OGFRL1: variants seen among roughly 807,000 people sequenced by gnomAD.
The protein encoded by OGFRL1 is opioid growth factor receptor-like protein 1.
OGFRL1 carries 26 observed loss-of-function variants against 32.4 expected under a neutral mutation model. That is an observed-to-expected ratio of 0.80 (90% confidence interval 0.59 to 1.11). The LOEUF (loss-of-function observed/expected upper bound fraction) is 1.11. OGFRL1 is among the 50% of genes most tolerant of loss of function. The pLI is 0.00. For missense variants in OGFRL1, 521 were observed against 546.4 expected, an observed-to-expected ratio of 0.95 and a Z score of 0.46; for synonymous variants, 211 against 201.2, an observed-to-expected ratio of 1.05 and a Z score of -0.41.
At chr6:71,297,135 T>C (rs1337944587) in intron 6 of OGFRL1, among the ~76,000 whole-genome samples, 1 of 152,220 alleles carries the variant, frequency 6.6e-6, no homozygotes, top group Non-Finnish European at 1.5e-5. Flanking sequence ...TTTATTGTTA[T>C]TGCTTGTGTA....
Position 71,296,388 on chromosome 6 carries a change from A to T in OGFRL1, c.472A>T (p.Ile158Phe). 1.2e-6 allele frequency: 2 copies of T among 1,611,312 alleles called. No homozygotes were observed. The highest frequency in any genetic ancestry group is 1.7e-6 in the Non-Finnish European group (2 of 1,177,904). Residue 158 changes from isoleucine (I) to phenylalanine (F), a missense_variant, in exon 4 of 7, where the codon ATT becomes TTT. Ile to Phe is a conservative substitution (Grantham distance 21). Transcript: ENST00000370435. ...AAAACTGGAGCACAACCACACTTACATTCAATGGTCAGTTACATATTATCT... is the reference window on the plus strand; with the variant it reads ...AAAACTGGAGCACAACCACACTTACTTTCAATGGTCAGTTACATATTATCT... Reference protein sequence around the residue: ...YEKLEHNHTYIQWLFPLREQG... With the variant: ...YEKLEHNHTYFQWLFPLREQG...
At chr6:71,289,253 C>T (rs1765962053) in intron 1 of OGFRL1, 83 bp downstream of exon 1, 1 of 1,021,100 alleles carries the variant, frequency 9.8e-7, no homozygotes, top group Non-Finnish European at 1.2e-6. Flanking sequence ...CCCTCGCGCT[C>T]GGAGGCCAGG....
intron 3 of OGFRL1, chr6:71,295,922 C>T (rs1297244908): frequency 6.4e-6 from 1 of 156,410 alleles, no homozygotes; most frequent in Non-Finnish European, 1.4e-5. Context: ...ATATTTTGGG[C>T]TTTGGGGGAC....
chr6:71,288,892 T>G lies in OGFRL1; in HGVS notation c.-45T>G. 1.6e-6 allele frequency: 2 copies of G among 1,225,028 alleles called. No individual in the cohort carries two copies. Among genetic ancestry groups the G allele is most frequent in the Non-Finnish European group, 2.1e-6 (2 of 966,782 alleles). The allele number at this position is 1,225,028 out of a possible 1,614,324, so 75.9% of individuals were successfully genotyped here. ...GGGCCCTAGAGCGCCTGCCGCAGCT[T>G]GCGCCCCGCAGCCCCGCAGCCCCGC... On this transcript the variant is annotated 5_prime_UTR_variant, in exon 1 of 7. Coordinates refer to ENST00000370435, the MANE Select transcript of OGFRL1 (RefSeq NM_024576.5).
chr6:71,301,366 T>C lies in OGFRL1; in HGVS notation c.693-20T>C. On this transcript the variant is annotated intron_variant, in intron 6 of 6. Transcript: ENST00000370435. Reference sequence around the variant, plus strand: ...TACACCTGATTTCCCCCACTCATTTTATTCAATCCTCTCTTCCAGGTCCCA... The same window carrying C: ...TACACCTGATTTCCCCCACTCATTTCATTCAATCCTCTCTTCCAGGTCCCA... The C allele has an allele frequency of 2.0e-6, 3 of 1,530,788 alleles. No individual in the cohort carries two copies. The highest frequency in any genetic ancestry group is 2.6e-6 in the Non-Finnish European group (3 of 1,141,522). The allele number at this position is 1,530,788 out of a possible 1,614,324, so 94.8% of individuals were successfully genotyped here.
intron 3 of OGFRL1, among the ~76,000 whole-genome samples, chr6:71,294,188 T>C (rs559235442): frequency 8.5e-5 from 13 of 152,228 alleles, no homozygotes; most frequent in African/African-American, 2.9e-4. Context: ...AACTCTGCAA[T>C]TGCCCTCCTA....
intron 6 of OGFRL1, among the ~76,000 whole-genome samples, chr6:71,298,690 C>T (rs1006284185): frequency 6.6e-6 from 1 of 152,122 alleles, no homozygotes; most frequent in Non-Finnish European, 1.5e-5. Flanking sequence ...AGAGCTTTTC[C>T]AGCTGTGAAT....
At position 71,289,110 on chromosome 6, in the gene OGFRL1, C is replaced by T. The variant is rs1160661974; in HGVS notation, c.174C>T (p.Gly58=). 6.3e-6 allele frequency: 7 copies of T among 1,111,884 alleles called. No homozygotes were observed. In the African/African-American group the frequency reaches 8.4e-5, roughly 13 times the overall value. The allele number at this position is 1,111,884 out of a possible 1,614,324, so 68.9% of individuals were successfully genotyped here. Residue 58 remains glycine (G), a synonymous_variant, in exon 1 of 7, where the codon GGC becomes GGT. Transcript: ENST00000370435. ...CCGCGCAGCCCCCGGAGCAAGCCGGCGGGCGGCCCGGCGCCAGCCCCGCGC... is the reference window on the plus strand; with the variant it reads ...CCGCGCAGCCCCCGGAGCAAGCCGGTGGGCGGCCCGGCGCCAGCCCCGCGC... ...EQPAQPPEQA[G]GRPGASPAPD...
intron 3 of OGFRL1, chr6:71,295,270 A>G (rs1272223847): frequency 6.6e-6 from 1 of 152,210 alleles, no homozygotes; most frequent in Non-Finnish European, 1.5e-5. Flanking sequence ...CAACATGCCA[A>G]TAAAGCCAAC....
intron 6 of OGFRL1, among the ~76,000 whole-genome samples, chr6:71,300,689 G>T (rs921184969): frequency 2.0e-5 from 3 of 152,094 alleles, no homozygotes; most frequent in African/African-American, 7.2e-5. Context: ...CCTGTAAGTT[G>T]TGGGCACTTT....
intron 3 of OGFRL1, chr6:71,295,508 A>G (rs532095059): frequency 1.3e-5 from 2 of 152,298 alleles, no homozygotes; most frequent in East Asian, 3.9e-4. Flanking sequence ...GGAAAAGTGG[A>G]CAGGGTGAAA....
At chr6:71,293,259 C>A in intron 1 of OGFRL1, 34 bp from the exon 2 acceptor site, 1 of 1,549,172 alleles carries the variant, frequency 6.5e-7, no homozygotes, top group South Asian at 1.1e-5. Context: ...TATCTTGCGT[C>A]AACATGTAAA....
chr6:71,293,785 T>C (rs1010861793), intron 3 of OGFRL1, among the ~76,000 whole-genome samples, 174 bp downstream of exon 3: 3 of 152,172 alleles, frequency 2.0e-5, no homozygotes, highest in South Asian at 2.1e-4. Flanking sequence ...CTTATTTACA[T>C]TGCTATTATC....
intron 3 of OGFRL1, chr6:71,295,860 A>G (rs1766189045): frequency 6.5e-6 from 1 of 152,726 alleles, no homozygotes; most frequent in Non-Finnish European, 1.5e-5. Flanking sequence ...AAAGAACTAT[A>G]TAACTCCTAG....
chr6:71,302,025 C>A lies in OGFRL1; in HGVS notation c.1332C>A (p.Cys444Ter). The stretch of plus-strand genomic sequence containing the variant: ...ATGAAAATCCTGGAAATACAAATTG[C>A]CATGATGTTGTACTAGTACAGTGAA... ...QDNENPGNTN[C>*]HDVVLVQ is the part of the protein sequence containing the mutation. The change falls in exon 7 of 7, where the codon TGC becomes TGA. Residue 444 changes from cysteine to a stop codon, truncating the protein, a stop_gained. Transcript: ENST00000370435. LOFTEE classifies it low-confidence loss of function (END_TRUNC). The A allele has an allele frequency of 6.3e-7, 1 of 1,584,904 alleles. No homozygotes were observed. The highest frequency in any genetic ancestry group is 8.5e-7 in the Non-Finnish European group (1 of 1,170,102).
chr6:71,306,425 A>G lies in OGFRL1; in HGVS notation c.*4376A>G, dbSNP rs1766552958. 1 of 152,176 alleles carries G rather than the reference A, an allele frequency of 6.6e-6. No individual in the cohort carries two copies. Among genetic ancestry groups the G allele is most frequent in the South Asian group, 2.1e-4 (1 of 4,830 alleles). The allele number at this position is 152,176 out of a possible 1,614,324, so 9.4% of individuals were successfully genotyped here. ...CAGAATGTGTTTTTAGAAATCCCTT[A>G]TTATTGAAATGAATAATAATATAGC... On this transcript the variant is annotated 3_prime_UTR_variant, in exon 7 of 7. Coordinates refer to ENST00000370435, the MANE Select transcript of OGFRL1 (RefSeq NM_024576.5).
chr6:71,308,662 T>C lies in OGFRL1; in HGVS notation c.*6613T>C, dbSNP rs1766628335. Reference sequence around the variant, plus strand: ...GTTGTAACCAGTTTCTGGATCTGTATGGTACTATAAAATACTTATTTTATA... The same window carrying C: ...GTTGTAACCAGTTTCTGGATCTGTACGGTACTATAAAATACTTATTTTATA... On this transcript the variant is annotated 3_prime_UTR_variant, in exon 7 of 7. Transcript: ENST00000370435. 1 of 152,200 alleles carries C rather than the reference T, an allele frequency of 6.6e-6. No homozygotes were observed. The highest frequency in any genetic ancestry group is 1.5e-5 in the Non-Finnish European group (1 of 68,026). 9.4% of individuals were successfully genotyped at this position (152,200 alleles called of 1,614,324 possible). A position where few individuals can be genotyped will look rare whatever the true frequency, so the allele number is the denominator to read the frequency against.
intron 6 of OGFRL1, among the ~76,000 whole-genome samples, chr6:71,299,285 G>A (rs1766311598): frequency 6.6e-6 from 1 of 152,004 alleles, no homozygotes; most frequent in South Asian, 2.1e-4. Context: ...CCCTAAGATG[G>A]TTTATACATT....
chr6:71,290,751 C>T (rs1766026600), intron 1 of OGFRL1, among the ~76,000 whole-genome samples: 1 of 152,206 alleles, frequency 6.6e-6, no homozygotes, highest in African/African-American at 2.4e-5. Context: ...AGACTGACTC[C>T]TTCACACCAC....
Sources: gnomAD v4.1 joint callset for allele counts (sites outside exome capture counted in the v4.1 genomes callset) on GRCh38, gnomAD v4.1.1 for gene constraint, MANE v1.5 for transcripts, NCBI Gene and HGNC (gene_info 2026-07-23, HGNC 2026-07-21) for gene names.